The following NDST4 variants were observed in gnomAD, a reference collection of about 807,000 sequenced individuals.
NDST4 encodes the protein N-deacetylase and N-sulfotransferase 4.
NDST4 carries 63 observed loss-of-function variants against 100.8 expected under a neutral mutation model. The observed-to-expected ratio is 0.62, with a 90% CI of 0.51 to 0.77. NDST4 has a LOEUF of 0.77. Among genes scored for constraint, NDST4 ranks in the 30% least tolerant of loss-of-function variants. The pLI, the probability that NDST4 is intolerant of heterozygous loss-of-function variation, is 0.00. For synonymous variants in NDST4, 377 were observed against 361.8 expected, an observed-to-expected ratio of 1.04 and a Z score of -0.48; for missense variants, 943 against 1,018.4, an observed-to-expected ratio of 0.93 and a Z score of 1.01.
chr4:115,063,912 G>A (rs1337797612), intron 2 of NDST4, among the ~76,000 whole-genome samples: 1 of 151,554 alleles, frequency 6.6e-6, no homozygotes, highest in Non-Finnish European at 1.5e-5. Flanking sequence ...CTTGACTAGT[G>A]AAATGGAACT....
intron 2 of NDST4, among the ~76,000 whole-genome samples, chr4:115,046,065 C>G (rs1728458760): frequency 6.6e-6 from 1 of 152,158 alleles, no homozygotes; most frequent in African/African-American, 2.4e-5. Flanking sequence ...CTAGGCCAAA[C>G]AGGAGCGTTA....
intron 2 of NDST4, among the ~76,000 whole-genome samples, chr4:115,025,901 A>G (rs1727973555): frequency 1.3e-5 from 2 of 152,092 alleles, no homozygotes; most frequent in Admixed American, 1.3e-4. Flanking sequence ...CATTTCCTTA[A>G]GTAATATCTG....
At chr4:114,986,890 A>AT (rs979183592) in intron 2 of NDST4, among the ~76,000 whole-genome samples, 1 of 144,574 alleles carries the variant, frequency 6.9e-6, no homozygotes, top group African/African-American at 2.6e-5. Context: ...AACTTATAAA[A>AT]TTTTTTTGTC....
At chr4:114,969,941 G>C (rs1254192646) in intron 4 of NDST4, among the ~76,000 whole-genome samples, 2 of 152,166 alleles carry the variant, frequency 1.3e-5, no homozygotes, top group African/African-American at 4.8e-5. Context: ...CAGTGTGTAA[G>C]TGTTCTCTTT....
chr4:115,042,265 G>A (rs994618053), intron 2 of NDST4, among the ~76,000 whole-genome samples: 8 of 151,966 alleles, frequency 5.3e-5, no homozygotes, highest in Admixed American at 1.3e-4. Flanking sequence ...TACACTACCC[G>A]CCCTTTGGCC....
intron 6 of NDST4, among the ~76,000 whole-genome samples, chr4:114,905,093 T>A (rs1490074489): frequency 6.6e-6 from 1 of 151,392 alleles, no homozygotes; most frequent in Non-Finnish European, 1.5e-5. Flanking sequence ...TCTTTCTTCA[T>A]CTACCCTGTC....
At chr4:114,954,973 C>T (rs1008766230) in intron 4 of NDST4, among the ~76,000 whole-genome samples, 1 of 152,258 alleles carries the variant, frequency 6.6e-6, no homozygotes, top group Non-Finnish European at 1.5e-5. Flanking sequence ...AGGTTAGAAG[C>T]TTCCTGGGAC....
intron 2 of NDST4, among the ~76,000 whole-genome samples, chr4:115,026,532 A>G (rs911037829): frequency 6.6e-6 from 1 of 152,120 alleles, no homozygotes; most frequent in African/African-American, 2.4e-5. Context: ...TTAATTTTCA[A>G]AGAAATCACA....
At chr4:114,903,015 C>T (rs908964499) in intron 6 of NDST4, among the ~76,000 whole-genome samples, 1 of 152,054 alleles carries the variant, frequency 6.6e-6, no homozygotes, top group African/African-American at 2.4e-5. Flanking sequence ...CTGGTAGATT[C>T]CTTAGCATGT....
At chr4:115,046,512 T>C (rs1024960826) in intron 2 of NDST4, among the ~76,000 whole-genome samples, 3 of 152,072 alleles carry the variant, frequency 2.0e-5, no homozygotes, top group Non-Finnish European at 4.4e-5. Flanking sequence ...TTGGAGTACA[T>C]GGAAGAGTGG....
chr4:114,948,699 C>G (rs528812045), intron 4 of NDST4, among the ~76,000 whole-genome samples: 1 of 152,154 alleles, frequency 6.6e-6, no homozygotes, highest in South Asian at 2.1e-4. Context: ...AGCTTTAATT[C>G]TCTCCAGTGT....
intron 2 of NDST4, among the ~76,000 whole-genome samples, chr4:114,984,230 G>T (rs1211152235): frequency 6.6e-6 from 1 of 151,882 alleles, no homozygotes; most frequent in African/African-American, 2.4e-5. Flanking sequence ...CCAGGCTGGA[G>T]TACAGTGGCA....
Position 115,076,539 on chromosome 4 carries a change from T to G in NDST4, c.498A>C (p.Lys166Asn), listed in dbSNP as rs1729187655. The G allele has an allele frequency of 6.2e-7, 1 of 1,614,016 alleles. No individual in the cohort carries two copies. The highest frequency in any genetic ancestry group is 8.5e-7 in the Non-Finnish European group (1 of 1,179,962). The change falls in exon 2 of 14, where the codon AAA (lysine) becomes AAC (asparagine). Residue 166 changes from lysine (K) to asparagine (N), a missense_variant. Physicochemically the swap from Lys to Asn is moderately conservative, Grantham distance 94. Around this residue, in one of 2 missense-constraint regions of NDST4, gnomAD observed 417 missense variants for 384.2 expected, o/e 1.09. Coordinates refer to ENST00000264363, the MANE Select transcript of NDST4 (RefSeq NM_022569.3). ...TACTTGGTAAGCTGTTCTCATTGGC[T>G]TTATGAAAACCGATTATACTAACAC... ...EYSVSIIGFH[K>N]ANENSLPSTQ... is the part of the protein sequence containing the mutation.
intron 4 of NDST4, among the ~76,000 whole-genome samples, chr4:114,965,779 G>A (rs1726366826): frequency 1.3e-5 from 2 of 151,790 alleles, no homozygotes; most frequent in South Asian, 4.2e-4. Flanking sequence ...TTTTTTTCCA[G>A]TCTATTGTGG....
At chr4:115,075,578 A>C (rs1729161116) in intron 2 of NDST4, among the ~76,000 whole-genome samples, 2 of 152,114 alleles carry the variant, frequency 1.3e-5, no homozygotes, top group African/African-American at 4.8e-5. Flanking sequence ...CGAGGTCAGG[A>C]GTTTAAGACC....
At chr4:114,961,150 A>G (rs553356670) in intron 4 of NDST4, among the ~76,000 whole-genome samples, 12 of 152,182 alleles carry the variant, frequency 7.9e-5, no homozygotes, top group African/African-American at 2.6e-4. Flanking sequence ...ATATTTTGAG[A>G]TGAATAAAAA....
rs140963109 is a variant in NDST4, at chr4:114,898,898, T to C, written c.1537-27948A>G. Among the ~76,000 whole-genome samples, 163 of 152,310 alleles carry C rather than the reference T, an allele frequency of 1.1e-3. 2 individuals carry two copies. The highest frequency in any genetic ancestry group is 3.6e-3 in the African/African-American group (150 of 41,578). On this transcript the variant is annotated intron_variant, in intron 6 of 13. Transcript: ENST00000264363. ...GTACCTTGTGACCTATATTCACTTA[T>C]TATTTCCAGGAGGGTTTTTTTTTGT...
chr4:115,102,581 AT>A (rs1729752328), intron 1 of NDST4, among the ~76,000 whole-genome samples: 1 of 151,956 alleles, frequency 6.6e-6, no homozygotes, highest in African/African-American at 2.4e-5. Context: ...CTGCTTCTGA[AT>A]TTAGGTAAGC....
At chr4:115,020,758 G>C (rs1463754662) in intron 2 of NDST4, among the ~76,000 whole-genome samples, 1 of 152,028 alleles carries the variant, frequency 6.6e-6, no homozygotes, top group Non-Finnish European at 1.5e-5. Flanking sequence ...CTAAGGACAT[G>C]AATAGACAGT....
Sources: allele counts gnomAD v4.1 joint callset (sites outside exome capture counted in the v4.1 genomes callset), GRCh38; gene constraint gnomAD v4.1.1; regional missense constraint gnomAD v4.1.1; transcripts MANE v1.5; gene names NCBI Gene and HGNC (gene_info 2026-07-23, HGNC 2026-07-21).